The following AGBL4 variants were observed in gnomAD, a reference collection of about 807,000 sequenced individuals.
AGBL4 encodes cytosolic carboxypeptidase 6.
Under a neutral mutation model 66.4 loss-of-function variants are expected in AGBL4, and 58 were observed. That is an observed-to-expected ratio of 0.87 (90% CI 0.71 to 1.09). The LOEUF is 1.09. AGBL4 is among the 50% of genes least tolerant of loss of function. The pLI is 0.00. For missense variants in AGBL4, 579 were observed against 631.0 expected, an observed-to-expected ratio of 0.92 and a Z score of 0.88; for synonymous variants, 234 against 222.9, an observed-to-expected ratio of 1.05 and a Z score of -0.44.
At chr1:49,736,132 C>T (rs1649873191) in intron 2 of AGBL4, among the ~76,000 whole-genome samples, 1 of 152,012 alleles carries the variant, frequency 6.6e-6, no homozygotes, top group Admixed American at 6.6e-5. Context: ...TAACGAAATA[C>T]TGCCTGAAAA....
At chr1:49,607,675 G>A (rs1219533118) in intron 3 of AGBL4, among the ~76,000 whole-genome samples, 1 of 152,102 alleles carries the variant, frequency 6.6e-6, no homozygotes, top group Non-Finnish European at 1.5e-5. Flanking sequence ...AGTCTATACA[G>A]CAAGACTACG....
At chr1:49,479,227 A>G (rs1453495789) in intron 3 of AGBL4, among the ~76,000 whole-genome samples, 1 of 152,108 alleles carries the variant, frequency 6.6e-6, no homozygotes, top group Non-Finnish European at 1.5e-5. Context: ...GCCAACAGTG[A>G]ACAAATCAAA....
chr1:49,150,765 G>T (rs756655770), intron 4 of AGBL4, among the ~76,000 whole-genome samples: 1 of 151,994 alleles, frequency 6.6e-6, no homozygotes, highest in African/African-American at 2.4e-5. Context: ...CCTCAAAGCT[G>T]CATTAAGTGT....
At chr1:48,605,030 T>C (rs761303622) in intron 9 of AGBL4, among the ~76,000 whole-genome samples, 14 of 152,226 alleles carry the variant, frequency 9.2e-5, no homozygotes, top group Non-Finnish European at 1.9e-4. Flanking sequence ...TGAAATACTA[T>C]CAACAACCTA....
At chr1:49,424,001 C>T (rs1012575356) in intron 3 of AGBL4, among the ~76,000 whole-genome samples, 2 of 152,076 alleles carry the variant, frequency 1.3e-5, no homozygotes, top group Admixed American at 1.3e-4. Context: ...ATTTGAATCT[C>T]TGCTTCCTTC....
intron 1 of AGBL4, among the ~76,000 whole-genome samples, chr1:49,870,766 A>G (rs188966970): frequency 2.2e-4 from 33 of 152,178 alleles, no homozygotes; most frequent in Admixed American, 1.7e-3. Context: ...AGGGAAATGC[A>G]AGTAAAATCA....
chr1:49,741,638 G>A (rs955773074), intron 2 of AGBL4, among the ~76,000 whole-genome samples: 1 of 152,174 alleles, frequency 6.6e-6, no homozygotes, highest in Non-Finnish European at 1.5e-5. Flanking sequence ...GAACATCGAT[G>A]CAAAAATCCT....
chr1:48,763,502 C>A (rs1216633217), intron 6 of AGBL4, among the ~76,000 whole-genome samples: 3 of 151,602 alleles, frequency 2.0e-5, no homozygotes, highest in African/African-American at 7.3e-5. Flanking sequence ...GTGAAAAAAA[C>A]AGACAAAAAG....
intron 9 of AGBL4, among the ~76,000 whole-genome samples, chr1:48,600,183 C>T (rs1024187697): frequency 2.0e-5 from 3 of 152,134 alleles, no homozygotes; most frequent in African/African-American, 7.2e-5. Context: ...GGGCCTGACA[C>T]ACAGTAAGTA....
At chr1:48,900,161 G>C (rs913369912) in intron 5 of AGBL4, among the ~76,000 whole-genome samples, 1 of 152,168 alleles carries the variant, frequency 6.6e-6, no homozygotes, top group South Asian at 2.1e-4. Context: ...TGAGAGACCA[G>C]AGTGTCTGGA....
chr1:49,476,021 G>C (rs1217861578), intron 3 of AGBL4, among the ~76,000 whole-genome samples: 1 of 151,958 alleles, frequency 6.6e-6, no homozygotes, highest in African/African-American at 2.4e-5. Flanking sequence ...AGGTTGGGTT[G>C]TTAATTTGAG....
intron 2 of AGBL4, among the ~76,000 whole-genome samples, chr1:49,707,162 T>G (rs1382419705): frequency 1.3e-5 from 2 of 152,138 alleles, no homozygotes; most frequent in Non-Finnish European, 2.9e-5. Context: ...TCTCCCACTA[T>G]TACTGTGTGG....
chr1:49,459,606 C>A (rs531813514), intron 3 of AGBL4, among the ~76,000 whole-genome samples: 1 of 151,542 alleles, frequency 6.6e-6, no homozygotes, highest in Admixed American at 6.6e-5. Context: ...TTTCAAAGAA[C>A]CAGCTTTTTG....
intron 3 of AGBL4, among the ~76,000 whole-genome samples, chr1:49,412,927 G>A (rs1260118932): frequency 6.6e-6 from 1 of 152,118 alleles, no homozygotes; most frequent in Non-Finnish European, 1.5e-5. Context: ...AGAAGAGGAG[G>A]AGGAGGATTT....
At chr1:48,573,325 T>C (rs1243302810) in intron 11 of AGBL4, among the ~76,000 whole-genome samples, 1 of 152,240 alleles carries the variant, frequency 6.6e-6, no homozygotes, top group Non-Finnish European at 1.5e-5. Flanking sequence ...GTGTCAGCTG[T>C]CTACATTCAC....
At chr1:48,964,070 G>A (rs74681458) in intron 5 of AGBL4, among the ~76,000 whole-genome samples, 4,679 of 152,276 alleles carry the variant, frequency 0.031, 92 homozygotes, top group Middle Eastern at 0.085. Flanking sequence ...TAAAGAATAG[G>A]CAAGACACAG....
At chr1:49,007,921 T>C (rs1162810229) in intron 5 of AGBL4, among the ~76,000 whole-genome samples, 1 of 150,684 alleles carries the variant, frequency 6.6e-6, no homozygotes, top group Non-Finnish European at 1.5e-5. Flanking sequence ...CACTGCAAAA[T>C]CATGCCAAAA....
At chr1:49,803,094 C>A (rs1019231564) in intron 2 of AGBL4, among the ~76,000 whole-genome samples, 2 of 150,346 alleles carry the variant, frequency 1.3e-5, no homozygotes, top group Non-Finnish European at 3.0e-5. Context: ...GAAGTTATAT[C>A]TAAATTTTAT....
intron 5 of AGBL4, among the ~76,000 whole-genome samples, chr1:48,998,053 G>A (rs1661146125): frequency 6.6e-6 from 1 of 152,186 alleles, no homozygotes; most frequent in Non-Finnish European, 1.5e-5. Context: ...GTCAGAGAAA[G>A]ATTGAATCCA....
Sources: gnomAD v4.1 joint callset for allele counts (sites outside exome capture counted in the v4.1 genomes callset) on GRCh38, gnomAD v4.1.1 for gene constraint, MANE v1.5 for transcripts, NCBI Gene and HGNC (gene_info 2026-07-23, HGNC 2026-07-21) for gene names.